RPRD2: variants seen among roughly 807,000 people sequenced by gnomAD.
RPRD2 encodes regulation of nuclear pre-mRNA domain-containing protein 2.
In RPRD2, 12 loss-of-function variants were observed where a neutral mutation model predicts 104.4. The ratio of observed to expected loss-of-function variants is 0.11; its 90% CI spans 0.07 to 0.19. The LOEUF is 0.19. RPRD2 is among the 10% of genes least tolerant of loss of function. The pLI is 1.00. For synonymous variants in RPRD2, 714 were observed against 684.9 expected, an observed-to-expected ratio of 1.04 and a Z score of -0.66; for missense variants, 1,543 against 1,790.1, an observed-to-expected ratio of 0.86 and a Z score of 2.49.
At position 150,451,114 on chromosome 1, in the gene RPRD2, G is replaced by T. The variant is rs115284081; in HGVS notation, c.870+4713G>T. ...TCCTTGATTTTCGTGACCTAAATAT[G>T]TTTGAAGATTACAAGTCAAATATTT... On this transcript the variant is annotated intron_variant, in intron 7 of 10. Transcript: ENST00000369068. 1.1e-3 allele frequency among the ~76,000 whole-genome samples: 160 copies of T among 152,266 alleles called. 2 individuals are homozygous for T. The highest frequency in any genetic ancestry group is 3.7e-3 in the African/African-American group (154 of 41,554).
chr1:150,398,000 T>C (rs988642510), intron 1 of RPRD2, among the ~76,000 whole-genome samples: 1 of 151,922 alleles, frequency 6.6e-6, no homozygotes, highest in Non-Finnish European at 1.5e-5. Flanking sequence ...TTTATTTATT[T>C]ATTTTGAGGC....
chr1:150,380,019 G>A (rs1368594407), intron 1 of RPRD2, among the ~76,000 whole-genome samples: 3 of 152,072 alleles, frequency 2.0e-5, no homozygotes, highest in East Asian at 3.9e-4. Context: ...TTGCCCGATC[G>A]TCTCTAGGCT....
At chr1:150,410,176 A>T (rs1368366174) in intron 1 of RPRD2, among the ~76,000 whole-genome samples, 3 of 152,162 alleles carry the variant, frequency 2.0e-5, no homozygotes, top group African/African-American at 7.2e-5. Flanking sequence ...GTGATGAAGA[A>T]ATTAGGTCAG....
At chr1:150,440,892 A>G in intron 2 of RPRD2, 31 bp from the exon 3 acceptor site, 1 of 1,072,590 alleles carries the variant, frequency 9.3e-7, no homozygotes, top group Non-Finnish European at 1.4e-6. Context: ...CAAGGTTTTT[A>G]TAGTCTGTAT....
At chr1:150,404,145 G>A (rs1663283530) in intron 1 of RPRD2, among the ~76,000 whole-genome samples, 1 of 152,190 alleles carries the variant, frequency 6.6e-6, no homozygotes, top group Admixed American at 6.5e-5. Flanking sequence ...CCACACTTGT[G>A]TGATTATGTG....
At chr1:150,467,401 A>G (rs10888583) in intron 10 of RPRD2, among the ~76,000 whole-genome samples, 91,335 of 151,764 alleles carry the variant, frequency 0.6, 27,996 homozygotes, top group African/African-American at 0.66. Context: ...TGAGACGGGG[A>G]CTTGCTCTGT....
intron 2 of RPRD2, among the ~76,000 whole-genome samples, chr1:150,432,219 A>G (rs587645906): frequency 1.3e-5 from 2 of 152,198 alleles, no homozygotes; most frequent in African/African-American, 4.8e-5. Context: ...AAATGCTACA[A>G]AATGGTTGAA....
Position 150,370,572 on chromosome 1 carries a change from C to CTTTT in RPRD2, c.205+5670_205+5673dup, listed in dbSNP as rs11288735. 2.2e-3 allele frequency among the ~76,000 whole-genome samples: 241 copies of CTTTT among 109,686 alleles called. 3 individuals carry two copies. The highest frequency in any genetic ancestry group is 3.2e-3 in the Non-Finnish European group (182 of 56,698). The allele number at this position is 109,686 out of a possible 152,430, so 72.0% of individuals were successfully genotyped here. A position where few individuals can be genotyped will look rare whatever the true frequency, so the allele number is the denominator to read the frequency against. ...ATTGTGTTAATGACATCCATTTTGTCTTTTTTTTTTTTTTTTTTTTGAGAC... is the reference window on the plus strand; with the variant it reads ...ATTGTGTTAATGACATCCATTTTGTCTTTTTTTTTTTTTTTTTTTTTTTTGAGAC... On this transcript the variant is annotated intron_variant, in intron 1 of 10. Coordinates refer to ENST00000369068, the MANE Select transcript of RPRD2 (RefSeq NM_015203.5).
intron 1 of RPRD2, among the ~76,000 whole-genome samples, chr1:150,393,972 T>G (rs1348826521): frequency 3.9e-5 from 6 of 152,266 alleles, no homozygotes; most frequent in Admixed American, 3.3e-4. Context: ...GTCTGGTGAT[T>G]GTTGGGAAAA....
intron 10 of RPRD2, among the ~76,000 whole-genome samples, chr1:150,464,946 T>C (rs1668170602): frequency 6.6e-6 from 1 of 152,110 alleles, no homozygotes; most frequent in South Asian, 2.1e-4. Flanking sequence ...CTCGGCTCAC[T>C]ACAACCTCTG....
intron 7 of RPRD2, among the ~76,000 whole-genome samples, chr1:150,452,665 T>C (rs1667267223): frequency 2.2e-5 from 3 of 136,976 alleles, no homozygotes; most frequent in African/African-American, 8.2e-5. Context: ...TATCCCCTTT[T>C]TTTTTTTTTT....
chr1:150,385,831 T>C (rs1303426136), intron 1 of RPRD2, among the ~76,000 whole-genome samples: 1 of 152,238 alleles, frequency 6.6e-6, no homozygotes, highest in African/African-American at 2.4e-5. Context: ...CTAATAGAAA[T>C]CTGAATATTT....
chr1:150,453,221 C>T (rs1200411841), intron 7 of RPRD2, among the ~76,000 whole-genome samples: 3 of 151,554 alleles, frequency 2.0e-5, no homozygotes, highest in African/African-American at 4.9e-5. Context: ...TTAGTAGAGA[C>T]GAGGTTTCAC....
chr1:150,433,673 A>T (rs901238521), intron 2 of RPRD2, among the ~76,000 whole-genome samples: 33 of 148,426 alleles, frequency 2.2e-4, no homozygotes, highest in Non-Finnish European at 3.3e-4. Flanking sequence ...CTCAATCTGC[A>T]GACCTCGTGA....
Position 150,472,981 on chromosome 1 carries a change from G to A in RPRD2, c.4033G>A (p.Gly1345Arg), listed in dbSNP as rs903747625. Residue 1345 changes from glycine to arginine, a missense_variant, in exon 11 of 11, where the codon GGA becomes AGA. Physicochemically the swap from Gly to Arg is moderately radical, Grantham distance 125. This residue lies in a region of RPRD2 where 880 missense variants were observed against 885.6 expected (regional missense o/e 0.99). Transcript: ENST00000369068. Reference sequence around the variant, plus strand: ...GGCTGAGCATTTTGGGGTACTCCCAGGACCCAGGGACCACGGGGGCCCCAC... The same window carrying A: ...GGCTGAGCATTTTGGGGTACTCCCAAGACCCAGGGACCACGGGGGCCCCAC... The part of the protein sequence containing the change: ...TLAEHFGVLP[G>R]PRDHGGPTQR... 34 of 1,613,866 alleles carry A rather than the reference G, an allele frequency of 2.1e-5. No homozygotes were observed. The highest frequency in any genetic ancestry group is 2.8e-5 in the Non-Finnish European group (33 of 1,179,872).
chr1:150,435,253 C>T (rs1572470373), intron 2 of RPRD2, among the ~76,000 whole-genome samples: 1 of 152,170 alleles, frequency 6.6e-6, no homozygotes, highest in Non-Finnish European at 1.5e-5. Flanking sequence ...CTCCTGGGAC[C>T]TCCTTATTCC....
chr1:150,451,497 A>G (rs1667166110), intron 7 of RPRD2, among the ~76,000 whole-genome samples: 1 of 151,116 alleles, frequency 6.6e-6, no homozygotes, highest in Non-Finnish European at 1.5e-5. Flanking sequence ...ACATCGTGAA[A>G]CCCCGTCTCC....
chr1:150,415,685 A>G (rs943413700), intron 1 of RPRD2, among the ~76,000 whole-genome samples: 4 of 152,144 alleles, frequency 2.6e-5, no homozygotes, highest in Non-Finnish European at 5.9e-5. Context: ...CTGTCTCCAA[A>G]TAAACAAAAA....
At chr1:150,428,736 G>T (rs1458774081) in intron 2 of RPRD2, among the ~76,000 whole-genome samples, 5 of 152,134 alleles carry the variant, frequency 3.3e-5, no homozygotes, top group Non-Finnish European at 5.9e-5. Flanking sequence ...TCCCAGTAAT[G>T]AGGTATTGAT....
Sources: allele counts gnomAD v4.1 joint callset (sites outside exome capture counted in the v4.1 genomes callset), GRCh38; gene constraint gnomAD v4.1.1; regional missense constraint gnomAD v4.1.1; transcripts MANE v1.5; gene names NCBI Gene and HGNC (gene_info 2026-07-23, HGNC 2026-07-21).